Variants in FRAS1 observed in about 807,000 individuals in gnomAD.
The protein encoded by FRAS1 is extracellular matrix organizing protein FRAS1.
A neutral mutation model predicts 435.2 loss-of-function variants in FRAS1; 290 were observed. The observed-to-expected ratio is 0.67, with a 90% confidence interval of 0.61 to 0.73. FRAS1 has a LOEUF of 0.73. Ranked by LOEUF, FRAS1 falls within the 30% of genes least tolerant of loss-of-function variation. The probability of loss-of-function intolerance (pLI) is 0.00; values close to 1 mark genes in which losing one functional copy is unlikely to be tolerated. For missense variants in FRAS1, 4,860 were observed against 5,001.5 expected (o/e 0.97, Z 0.85); for synonymous variants, 1,800 against 1,851.0 (o/e 0.97, Z 0.71).
At chr4:78,503,030 T>C (rs1283210877) in intron 61 of FRAS1, among the ~76,000 whole-genome samples, 1 of 152,236 alleles carries the variant, frequency 6.6e-6, no homozygotes, top group Admixed American at 6.5e-5. Flanking sequence ...TTGATTTGCA[T>C]ATGTTGAACC....
intron 2 of FRAS1, among the ~76,000 whole-genome samples, chr4:78,106,029 G>A (rs1742409937): frequency 7.5e-6 from 1 of 133,150 alleles, no homozygotes; most frequent in African/African-American, 2.9e-5. Context: ...CGAATATTGC[G>A]CTTTTCAGAC....
chr4:78,454,137 T>TCTG (rs1215812943), intron 47 of FRAS1, among the ~76,000 whole-genome samples: 1 of 147,774 alleles, frequency 6.8e-6, no homozygotes, highest in African/African-American at 2.5e-5. Context: ...TGAGCAGACA[T>TCTG]CTGAAGAAAG....
intron 22 of FRAS1, among the ~76,000 whole-genome samples, chr4:78,366,680 C>T (rs577047790): frequency 5.9e-5 from 9 of 152,332 alleles, no homozygotes; most frequent in African/African-American, 2.2e-4. Flanking sequence ...ATCCCAGCTT[C>T]CCTCAGTGGT....
rs988935729 is a variant in FRAS1 at position 78,267,579 on chromosome 4, T to G, written c.981+147T>G. 2.2e-5 allele frequency: 16 copies of G among 723,568 alleles called. No individual in the cohort carries two copies. In the African/African-American group the frequency reaches 2.9e-4, roughly 13 times the overall value. The allele number at this position is 723,568 out of a possible 1,614,324, so 44.8% of individuals were successfully genotyped here. A position where few individuals can be genotyped will look rare whatever the true frequency, so the allele number is the denominator to read the frequency against. ...TCATAGGACCTTCTAGTGTAAAGCT[T>G]CCGTGGTATAAAATGAATGTCACTG... On this transcript the variant is annotated intron_variant, in intron 9 of 73. Transcript: ENST00000512123.
intron 22 of FRAS1, among the ~76,000 whole-genome samples, chr4:78,369,622 ACT>A (rs35094791): frequency 0.16 from 24,962 of 152,108 alleles, 2,596 homozygotes; most frequent in East Asian, 0.33. Context: ...TTGGGTTTGC[ACT>A]TTATATTCTT....
intron 64 of FRAS1, 55 bp downstream of exon 64, chr4:78,511,561 C>T: frequency 7.8e-7 from 1 of 1,281,464 alleles, no homozygotes. Context: ...CTCAGGTCTC[C>T]TTTGTGTGTT....
intron 3 of FRAS1, among the ~76,000 whole-genome samples, chr4:78,243,864 C>T (rs1725116541): frequency 6.6e-6 from 1 of 152,122 alleles, no homozygotes; most frequent in African/African-American, 2.4e-5. Context: ...CCATGTTAGA[C>T]TATCAACACT....
In FRAS1 at chr4:78,541,463, G is replaced by GT. The variant is rs541403015; in HGVS notation, c.*340dup. 1.9e-3 allele frequency: 327 copies of GT among 174,000 alleles called. No individual in the cohort carries two copies. Among genetic ancestry groups the GT allele is most frequent in the African/African-American group, 7.5e-3 (321 of 42,544 alleles). 10.8% of individuals were successfully genotyped at this position (174,000 alleles called of 1,614,324 possible). A position where few individuals can be genotyped will look rare whatever the true frequency, so the allele number is the denominator to read the frequency against. On this transcript the variant is annotated 3_prime_UTR_variant, in exon 74 of 74. Transcript: ENST00000512123. ...GATGGAGATGAGAGGACTGGGTAGA[G>GT]TACCATGGCAGATCTCAGAGAGAAG... is the stretch of plus-strand genomic sequence containing the variant.
Position 78,332,280 on chromosome 4 carries a change from G to T in FRAS1, c.2138-992G>T, listed in dbSNP as rs533358799. Among the ~76,000 whole-genome samples the T allele has an allele frequency of 2.6e-5, 4 of 152,244 alleles. No individual in the cohort carries two copies. The South Asian group carries it at 8.3e-4, about 32-fold the overall frequency. ...TTACTATCTCCAGGAATGTAGCCCC[G>T]GGAGGGCCAGTCTCTCCAAAATCTG... is the stretch of plus-strand genomic sequence containing the variant. On this transcript the variant is annotated intron_variant, in intron 18 of 73. Transcript: ENST00000512123.
chr4:78,328,105 C>A (rs569599330), intron 18 of FRAS1, among the ~76,000 whole-genome samples: 15 of 152,274 alleles, frequency 9.9e-5, no homozygotes, highest in African/African-American at 3.6e-4. Flanking sequence ...TGCAAAGGGA[C>A]TTTCTTCTGG....
At chr4:78,210,003 T>A (rs1219313775) in intron 2 of FRAS1, among the ~76,000 whole-genome samples, 3 of 152,166 alleles carry the variant, frequency 2.0e-5, no homozygotes, top group Admixed American at 6.5e-5. Flanking sequence ...AAGCTCTTTA[T>A]CCTTGTTGAC....
intron 9 of FRAS1, among the ~76,000 whole-genome samples, chr4:78,269,045 A>G (rs1726516463): frequency 1.3e-5 from 2 of 152,234 alleles, no homozygotes; most frequent in Admixed American, 1.3e-4. Context: ...TCTAAACTAG[A>G]AACTCTACCA....
Position 78,317,383 on chromosome 4 carries a change from G to T in FRAS1, c.1835G>T (p.Cys612Phe). The change falls in exon 17 of 74, where the codon TGT (cysteine) becomes TTT (phenylalanine). Residue 612 changes from cysteine (C) to phenylalanine (F), a missense_variant. Cys to Phe is a radical substitution (Grantham distance 205). Transcript: ENST00000512123. ...TGRCKVCHNS[C>F]ASCSGPTPSH... ...TCTTCCTCAGTTTGTCATAACTCATGTGCCAGCTGCTCTGGGCCCACACCC... is the reference window on the plus strand; with the variant it reads ...TCTTCCTCAGTTTGTCATAACTCATTTGCCAGCTGCTCTGGGCCCACACCC... 1 of 1,613,874 alleles carries T rather than the reference G, an allele frequency of 6.2e-7. No individual in the cohort carries two copies. The highest frequency in any genetic ancestry group is 8.5e-7 in the Non-Finnish European group (1 of 1,179,868).
Position 78,095,066 on chromosome 4 carries a change from T to A in FRAS1, c.108+29050T>A, listed in dbSNP as rs1349784222. On this transcript the variant is annotated intron_variant, in intron 2 of 73. Coordinates refer to ENST00000512123, the MANE Select transcript of FRAS1 (RefSeq NM_025074.7). ...TGGCCCCATCACTGGGAAACATTTT[T>A]AAAAATCACAATAATAAAAGCAATG... 4.6e-5 allele frequency among the ~76,000 whole-genome samples: 7 copies of A among 152,364 alleles called. No individual in the cohort carries two copies. In the East Asian group the frequency reaches 1.3e-3, roughly 29 times the overall value.
rs1394061170 is a variant in FRAS1 at position 78,267,314 on chromosome 4, A to T, written c.863A>T (p.Asp288Val). ...TCTCCTGCCGGGAGCTGCTCCTATG[A>T]TGGAGTTGTGCGGTACCAGGACGAA... ...CVSPAGSCSY[D>V]GVVRYQDEMW... The change falls in exon 9 of 74, where the codon GAT (aspartate) becomes GTT (valine). Residue 288 changes from aspartate to valine, a missense_variant. Asp to Val is a radical substitution (Grantham distance 152). Coordinates refer to ENST00000512123, the MANE Select transcript of FRAS1 (RefSeq NM_025074.7). 3.1e-6 allele frequency: 5 copies of T among 1,613,604 alleles called. No individual in the cohort carries two copies. Among genetic ancestry groups the T allele is most frequent in the Non-Finnish European group, 4.2e-6 (5 of 1,179,828 alleles).
chr4:78,286,608 G>C, intron 14 of FRAS1, 69 bp downstream of exon 14: 1 of 1,533,268 alleles, frequency 6.5e-7, no homozygotes, highest in South Asian at 1.2e-5. Context: ...CCCACCAAGT[G>C]ATCTGGGGAC....
At chr4:78,342,506 C>G (rs1305556289) in intron 20 of FRAS1, among the ~76,000 whole-genome samples, 2 of 152,154 alleles carry the variant, frequency 1.3e-5, no homozygotes, top group Non-Finnish European at 1.5e-5. Flanking sequence ...GACACAGTTA[C>G]TTTCTATATG....
intron 11 of FRAS1, 101 bp downstream of exon 11, chr4:78,281,534 T>C (rs1229311480): frequency 3.0e-6 from 2 of 662,920 alleles, no homozygotes; most frequent in Non-Finnish European, 5.0e-6. Flanking sequence ...TTAGTATTTT[T>C]AACAGCCACA....
intron 2 of FRAS1, chr4:78,068,555 A>G (rs1457436831): frequency 2.2e-6 from 1 of 456,302 alleles, no homozygotes. Flanking sequence ...CCTTTCAGGA[A>G]GGTGGATGAG....
Sources: gnomAD v4.1 joint callset for allele counts (sites outside exome capture counted in the v4.1 genomes callset) on GRCh38, gnomAD v4.1.1 for gene constraint, MANE v1.5 for transcripts, NCBI Gene and HGNC (gene_info 2026-07-23, HGNC 2026-07-21) for gene names.